AGBL1: variants seen among roughly 807,000 people sequenced by gnomAD.
AGBL1 encodes the protein cytosolic carboxypeptidase 4.
Under a neutral mutation model 118.9 loss-of-function variants are expected in AGBL1, and 130 were observed. The observed-to-expected ratio is 1.09, with a 90% CI of 0.95 to 1.26. The LOEUF is 1.26. Among genes scored for constraint, AGBL1 ranks in the 50% most tolerant of loss-of-function variants. The pLI, the probability that AGBL1 is intolerant of heterozygous loss-of-function variation, is 0.00. For missense variants in AGBL1, 1,584 were observed against 1,298.1 expected (o/e 1.22, Z -3.38); for synonymous variants, 555 against 478.9 (o/e 1.16, Z -2.08).
intron 22 of AGBL1, among the ~76,000 whole-genome samples, chr15:86,805,835 G>T (rs1199480709): frequency 6.6e-6 from 1 of 152,100 alleles, no homozygotes; most frequent in Admixed American, 6.6e-5. Context: ...ATCCCCAAAA[G>T]TCAACTCGTA....
chr15:86,391,971 T>G (rs775360657), intron 17 of AGBL1, among the ~76,000 whole-genome samples: 40 of 152,250 alleles, frequency 2.6e-4, no homozygotes, highest in Non-Finnish European at 5.1e-4. Flanking sequence ...GAAAATTCAT[T>G]TTTTTTACTC....
chr15:86,124,982 C>G (rs183421263), intron 1 of AGBL1, among the ~76,000 whole-genome samples: 136 of 152,276 alleles, frequency 8.9e-4, no homozygotes, highest in Non-Finnish European at 9.4e-4. Flanking sequence ...TTAAGTTGTT[C>G]AAATATCTCT....
At chr15:86,366,163 A>G (rs11073632) in intron 17 of AGBL1, among the ~76,000 whole-genome samples, 120,489 of 152,074 alleles carry the variant, frequency 0.79, 48,698 homozygotes, top group African/African-American at 0.88. Flanking sequence ...AAAAGGCTGT[A>G]ACACAATCCT....
intron 18 of AGBL1, among the ~76,000 whole-genome samples, chr15:86,409,961 C>G (rs1390961475): frequency 1.3e-5 from 2 of 152,254 alleles, no homozygotes; most frequent in Non-Finnish European, 2.9e-5. Context: ...TTCTAAATTT[C>G]CCCTTTAGAC....
rs150672294 is a variant in AGBL1, at chr15:86,421,062, C to G, written c.2555+23516C>G. Among the ~76,000 whole-genome samples the G allele has an allele frequency of 3.2e-3, 483 of 152,204 alleles. 1 individual carries two copies. Among genetic ancestry groups the G allele is most frequent in the African/African-American group, 0.011 (456 of 41,524 alleles). On this transcript the variant is annotated intron_variant, in intron 18 of 22. Coordinates refer to ENST00000614907, the MANE Select transcript of AGBL1 (RefSeq NM_001386094.1). ...CAGGATATTATCCGGGAAAACTTCC[C>G]CAACCTAGCAAAACAGGCCAACATT... is the stretch of plus-strand genomic sequence containing the variant.
At chr15:86,130,979 G>A (rs2076811405) in intron 1 of AGBL1, among the ~76,000 whole-genome samples, 1 of 152,100 alleles carries the variant, frequency 6.6e-6, no homozygotes, top group Non-Finnish European at 1.5e-5. Context: ...TTATTTGGTT[G>A]ACATTTAATG....
chr15:86,381,001 T>C (rs762152541), intron 17 of AGBL1, among the ~76,000 whole-genome samples: 1 of 152,166 alleles, frequency 6.6e-6, no homozygotes, highest in African/African-American at 2.4e-5. Flanking sequence ...GGAAACAAAA[T>C]TGAATTAAAC....
chr15:86,095,170 C>A (rs930704669), intron 1 of AGBL1, among the ~76,000 whole-genome samples: 1 of 152,170 alleles, frequency 6.6e-6, no homozygotes, highest in African/African-American at 2.4e-5. Context: ...AGTTAGGGTG[C>A]ACCACCCTAC....
At chr15:86,166,487 G>A (rs992753948) in intron 5 of AGBL1, among the ~76,000 whole-genome samples, 3 of 152,200 alleles carry the variant, frequency 2.0e-5, no homozygotes, top group Non-Finnish European at 4.4e-5. Flanking sequence ...ACTTTGGAGA[G>A]TCTTCCTTGA....
chr15:86,555,858 A>G (rs762928831), intron 21 of AGBL1, among the ~76,000 whole-genome samples: 6 of 152,234 alleles, frequency 3.9e-5, no homozygotes, highest in African/African-American at 1.2e-4. Flanking sequence ...TGGAGGTTAT[A>G]TAATCAGAAA....
intron 22 of AGBL1, among the ~76,000 whole-genome samples, chr15:86,769,970 G>A (rs1484322793): frequency 2.0e-5 from 3 of 152,008 alleles, no homozygotes; most frequent in East Asian, 3.9e-4. Context: ...AGAAGATTCC[G>A]CTGGGCTCCT....
chr15:87,017,006 G>A (rs2081613510), intron 24 of AGBL1, among the ~76,000 whole-genome samples: 2 of 152,254 alleles, frequency 1.3e-5, no homozygotes, highest in Admixed American at 6.5e-5. Context: ...CATCCCCTAA[G>A]AGGGGAGCTA....
At chr15:86,798,151 A>G (rs904436152) in intron 22 of AGBL1, among the ~76,000 whole-genome samples, 2 of 152,186 alleles carry the variant, frequency 1.3e-5, no homozygotes, top group African/African-American at 4.8e-5. Context: ...TTCAGTTTCA[A>G]TATCTACAGG....
intron 5 of AGBL1, among the ~76,000 whole-genome samples, chr15:86,179,102 C>T (rs140562786): frequency 0.018 from 2,813 of 152,326 alleles, 31 homozygotes; most frequent in East Asian, 0.072. Context: ...ATTCAGCATT[C>T]CCTCCCAAGA....
rs370319472 is a variant in AGBL1 at position 86,522,806 on chromosome 15, G to A, written c.2556-4G>A. The A allele has an allele frequency of 1.6e-5, 26 of 1,613,342 alleles. No individual in the cohort carries two copies. The African/African-American group carries it at 2.4e-4, about 15-fold the overall frequency. ...ATTTATTTGCTTATTATTTGTTCCT[G>A]TAGCCACAGATGCTCACTGAGCGGG... On this transcript the variant is annotated splice_region_variant and splice_polypyrimidine_tract_variant and intron_variant, in intron 18 of 22. Transcript: ENST00000614907.
At chr15:86,084,906 G>A (rs1462469206) in intron 1 of AGBL1, among the ~76,000 whole-genome samples, 1 of 152,132 alleles carries the variant, frequency 6.6e-6, no homozygotes, top group African/African-American at 2.4e-5. Context: ...CCTAGCCATA[G>A]CTTTCTATGT....
rs2077652995 is a variant in AGBL1, at chr15:86,739,874, A to G, written c.3158+65438A>G. ...GTTTATAAAGACCCTCCCTCTCCAG[A>G]AGGGTGGCCTAATGAATCACTGAGC... is the stretch of plus-strand genomic sequence containing the variant. On this transcript the variant is annotated intron_variant, in intron 22 of 22. Coordinates refer to ENST00000614907, the MANE Select transcript of AGBL1 (RefSeq NM_001386094.1). 7.9e-5 allele frequency among the ~76,000 whole-genome samples: 12 copies of G among 152,302 alleles called. No individual in the cohort carries two copies. In the South Asian group the frequency reaches 2.5e-3, roughly 32 times the overall value.
At chr15:86,229,874 C>T (rs1032043594) in intron 6 of AGBL1, among the ~76,000 whole-genome samples, 2 of 152,118 alleles carry the variant, frequency 1.3e-5, no homozygotes, top group African/African-American at 2.4e-5. Context: ...AACAAGAAAA[C>T]GCCTTCTGGT....
chr15:86,347,912 A>G (rs2080563274), intron 17 of AGBL1, among the ~76,000 whole-genome samples: 1 of 152,210 alleles, frequency 6.6e-6, no homozygotes. Context: ...AATTTTCCTC[A>G]AGACTTCATA....
Sources: allele counts gnomAD v4.1 joint callset (sites outside exome capture counted in the v4.1 genomes callset), GRCh38; gene constraint gnomAD v4.1.1; transcripts MANE v1.5; gene names NCBI Gene and HGNC (gene_info 2026-07-23, HGNC 2026-07-21).